MATR3: variants seen among roughly 807,000 people sequenced by gnomAD.
MATR3 encodes matrin-3.
In MATR3, 4 loss-of-function variants were observed where a neutral mutation model predicts 85.5. That is an observed-to-expected ratio of 0.05 (90% CI 0.02 to 0.11). MATR3 has a LOEUF of 0.11. MATR3 is among the 10% of genes least tolerant of loss of function. The pLI is 1.00. For synonymous variants in MATR3, 336 were observed against 343.1 expected, an observed-to-expected ratio of 0.98 and a Z score of 0.23; for missense variants, 685 against 1,016.1, an observed-to-expected ratio of 0.67 and a Z score of 4.43.
upstream of MATR3, among the ~76,000 whole-genome samples, chr5:139,290,426 C>T (rs999143351): frequency 1.1e-4 from 14 of 127,820 alleles, no homozygotes; most frequent in Middle Eastern, 4.3e-3. Flanking sequence ...TGAGCCACTG[C>T]GCCTGGCCGC....
At chr5:139,278,052 A>T (rs1379304581) in intron 2 of MATR3, among the ~76,000 whole-genome samples, 2 of 151,764 alleles carry the variant, frequency 1.3e-5, no homozygotes, top group Admixed American at 1.3e-4. Flanking sequence ...CAACAGAAAG[A>T]GATCTCATCT....
intron 2 of MATR3, chr5:139,309,896 G>C (rs1754885949): frequency 6.6e-6 from 1 of 152,110 alleles, no homozygotes; most frequent in Non-Finnish European, 1.5e-5. Flanking sequence ...AATAATAGCA[G>C]AAATGTCAGT....
chr5:139,317,170 C>A (rs1581247820), intron 6 of MATR3, 65 bp downstream of exon 6: 3 of 1,463,424 alleles, frequency 2.0e-6, no homozygotes, highest in Non-Finnish European at 2.9e-6. Context: ...TGACCTAAAT[C>A]CTTACTAGTT....
intron 12 of MATR3, 176 bp from the exon 13 acceptor site, chr5:139,325,264 T>C (rs971036600): frequency 6.5e-7 from 1 of 1,550,144 alleles, no homozygotes; most frequent in African/African-American, 1.4e-5. Flanking sequence ...TGCAGGATAA[T>C]TGTTGCAGAG....
chr5:139,306,658 T>C (rs765261912), intron 1 of MATR3, among the ~76,000 whole-genome samples: 1 of 152,222 alleles, frequency 6.6e-6, no homozygotes, highest in Non-Finnish European at 1.5e-5. Flanking sequence ...TTATTTTTCT[T>C]ATTCACATCT....
intron 7 of MATR3, 57 bp downstream of exon 7, chr5:139,317,778 C>T (rs1755329461): frequency 1.4e-6 from 2 of 1,431,400 alleles, no homozygotes; most frequent in Admixed American, 2.0e-5. Context: ...ATATGTTCTG[C>T]AAGAATTAAA....
In MATR3 at chr5:139,307,893, A is replaced by G; in HGVS notation, c.478A>G (p.Arg160Gly). 1 of 1,614,130 alleles carries G rather than the reference A, an allele frequency of 6.2e-7. No individual in the cohort carries two copies. The highest frequency in any genetic ancestry group is 8.5e-7 in the Non-Finnish European group (1 of 1,180,012). Residue 160 changes from arginine (R) to glycine (G), a missense_variant, in exon 2 of 15, where the codon AGA becomes GGA. Arg to Gly is a moderately radical substitution (Grantham distance 125). Transcript: ENST00000394805. This position sits in a 1 kb window ranked among gnomAD's most constrained non-coding sequence, Gnocchi z 4.4. ...TEEGPTLSYG[R>G]DGRSATREPP... Reference sequence around the variant, plus strand: ...AGAAGGCCCTACCTTGAGTTATGGTAGAGATGGCAGATCTGCTACACGGGA... The same window carrying G: ...AGAAGGCCCTACCTTGAGTTATGGTGGAGATGGCAGATCTGCTACACGGGA...
chr5:139,281,658 GT>G lies in MATR3; in HGVS notation c.-178+2536del, dbSNP rs549288817. On this transcript the variant is annotated intron_variant, in intron 3 of 16. Transcript: ENST00000509990. ...TGAGCTACCACACCCAGCCGAAGTAGTTTTTTTCTGTTAATCTTTTCCCATG... is the reference window on the plus strand; with the variant it reads ...TGAGCTACCACACCCAGCCGAAGTAGTTTTTTCTGTTAATCTTTTCCCATG... Among the ~76,000 whole-genome samples the G allele has an allele frequency of 3.2e-3, 493 of 152,134 alleles. 3 individuals are homozygous for G. Among genetic ancestry groups the G allele is most frequent in the African/African-American group, 0.011 (438 of 41,498 alleles).
intron 3 of MATR3, among the ~76,000 whole-genome samples, chr5:139,284,927 T>A (rs1412085676): frequency 6.6e-6 from 1 of 152,204 alleles, no homozygotes; most frequent in African/African-American, 2.4e-5. Context: ...GGGTATACTT[T>A]GGGACATGTG....
intron 7 of MATR3, 23 bp downstream of exon 7, chr5:139,317,744 T>C: frequency 1.3e-6 from 2 of 1,520,820 alleles, no homozygotes; most frequent in Non-Finnish European, 1.8e-6. Flanking sequence ...ATATTGGTAT[T>C]ATTCATTTAT....
At position 139,330,755 on chromosome 5, in the gene MATR3, A is replaced by G; in HGVS notation, c.*1360A>G. 2.2e-6 allele frequency: 1 copy of G among 454,126 alleles called. No individual in the cohort carries two copies. The highest frequency in any genetic ancestry group is 4.4e-6 in the Non-Finnish European group (1 of 226,788). The allele number at this position is 454,126 out of a possible 1,614,324, so 28.1% of individuals were successfully genotyped here. On this transcript the variant is annotated 3_prime_UTR_variant, in exon 15 of 15. Coordinates refer to ENST00000394805, the MANE Select transcript of MATR3 (RefSeq NM_018834.6). ...ATTAGTTCTGCAGCTTTTCAAAATAATTACGTAGAGACTCTTGGTATATTG... is the reference window on the plus strand; with the variant it reads ...ATTAGTTCTGCAGCTTTTCAAAATAGTTACGTAGAGACTCTTGGTATATTG...
intron 3 of MATR3, among the ~76,000 whole-genome samples, chr5:139,284,009 C>T (rs1753621773): frequency 6.6e-6 from 1 of 152,128 alleles, no homozygotes; most frequent in South Asian, 2.1e-4. Context: ...GACACAGGTG[C>T]CATGTTGTGT....
rs779125776 is a variant in MATR3, at chr5:139,319,309, C to T, written c.1435-25C>T. 8 of 1,605,508 alleles carry T rather than the reference C, an allele frequency of 5.0e-6. No individual in the cohort carries two copies. In the South Asian group the frequency reaches 7.7e-5, roughly 15 times the overall value. On this transcript the variant is annotated intron_variant, in intron 8 of 14. Coordinates refer to ENST00000394805, the MANE Select transcript of MATR3 (RefSeq NM_018834.6). ...AACTAATAATTATTGCACATTTGTC[C>T]TTTTGTTGTTGTTATTTATTAAAGA...
At chr5:139,274,932 T>A (rs1008980340) in intron 1 of MATR3, among the ~76,000 whole-genome samples, 1 of 150,932 alleles carries the variant, frequency 6.6e-6, no homozygotes, top group Non-Finnish European at 1.5e-5. Flanking sequence ...TAAAAAAAAA[T>A]GGTGACTGTG....
chr5:139,324,551 C>T (rs2152018136), intron 12 of MATR3, among the ~76,000 whole-genome samples: 1 of 152,246 alleles, frequency 6.6e-6, no homozygotes, highest in East Asian at 1.9e-4. Flanking sequence ...ACCTCAGCCT[C>T]CCAAAGTGCT....
chr5:139,325,983 G>A (rs1463891939), intron 13 of MATR3, among the ~76,000 whole-genome samples, 180 bp from the exon 14 acceptor site: 1 of 152,076 alleles, frequency 6.6e-6, no homozygotes, highest in Non-Finnish European at 1.5e-5. Flanking sequence ...ACAGTTAGGT[G>A]AGACCTCAAA....
At chr5:139,276,881 T>C (rs147609201) in intron 2 of MATR3, among the ~76,000 whole-genome samples, 6 of 152,322 alleles carry the variant, frequency 3.9e-5, no homozygotes, top group East Asian at 1.9e-4. Flanking sequence ...TTTAAAATTA[T>C]GGGCATTCTC....
intron 3 of MATR3, among the ~76,000 whole-genome samples, chr5:139,286,253 AG>A (rs1217455720): frequency 1.3e-5 from 2 of 152,222 alleles, no homozygotes; most frequent in South Asian, 2.1e-4. Context: ...TAGATTTCTG[AG>A]GTGTCAACTC....
chr5:139,294,434 C>G (rs1460633961), intron 1 of MATR3: 8 of 161,450 alleles, frequency 5.0e-5, no homozygotes, highest in Non-Finnish European at 9.4e-5. Flanking sequence ...CCGCTCCTTG[C>G]CCATCGCCTC....
Sources: gnomAD v4.1 joint callset for allele counts (sites outside exome capture counted in the v4.1 genomes callset) on GRCh38, gnomAD v4.1.1 for gene constraint, Gnocchi (gnomAD v3.1) non-coding constraint, MANE v1.5 for transcripts, NCBI Gene and HGNC (gene_info 2026-07-23, HGNC 2026-07-21) for gene names.